The following PSME3IP1 variants were observed in gnomAD, a reference collection of about 807,000 sequenced individuals.
PSME3IP1 encodes the protein proteasome activator subunit 3 interacting protein 1.
In PSME3IP1, 13 loss-of-function variants were observed where a neutral mutation model predicts 34.1. The ratio of observed to expected loss-of-function variants is 0.38; its 90% CI spans 0.25 to 0.61. The LOEUF (loss-of-function observed/expected upper bound fraction) is 0.61. Among genes scored for constraint, PSME3IP1 ranks in the 20% least tolerant of loss-of-function variants. The probability of loss-of-function intolerance (pLI) is 0.60; values close to 1 mark genes in which losing one functional copy is unlikely to be tolerated. For missense variants in PSME3IP1, 237 were observed against 301.4 expected (o/e 0.79, Z 1.58); for synonymous variants, 93 against 114.3 (o/e 0.81, Z 1.19).
At chr16:57,173,890 C>A (rs556694317) in intron 1 of PSME3IP1, 21 bp from the exon 2 acceptor site, 62 of 1,587,804 alleles carry the variant, frequency 3.9e-5, no homozygotes, top group Admixed American at 3.1e-4. Flanking sequence ...AAAACAAAAA[C>A]AAAAAAAATC....
At chr16:57,178,024 A>G (rs1430974507) in intron 1 of PSME3IP1, among the ~76,000 whole-genome samples, 1 of 152,264 alleles carries the variant, frequency 6.6e-6, no homozygotes, top group Non-Finnish European at 1.5e-5. Context: ...TAAAACTAAT[A>G]TCATAATTCT....
chr16:57,160,081 G>A (rs1351865250), intron 6 of PSME3IP1, among the ~76,000 whole-genome samples: 2 of 152,068 alleles, frequency 1.3e-5, no homozygotes, highest in Non-Finnish European at 2.9e-5. Flanking sequence ...ATGAGGTCAG[G>A]AGATCGAGAC....
Position 57,182,557 on chromosome 16 carries a change from A to C in PSME3IP1, c.-16+3264T>G, listed in dbSNP as rs544515896. ...AGGAGATACCCATTTCCCTTAAAAA[A>C]AAAAAAAAAAAAAAAAAAACTTTGC... On this transcript the variant is annotated intron_variant, in intron 1 of 6. Coordinates refer to ENST00000309137, the MANE Select transcript of PSME3IP1 (RefSeq NM_024946.4). 6.3e-4 allele frequency among the ~76,000 whole-genome samples: 94 copies of C among 150,044 alleles called. 1 individual carries two copies. In the East Asian group the frequency reaches 0.015, roughly 24 times the overall value.
chr16:57,168,908 G>A (rs1210387333), intron 4 of PSME3IP1, among the ~76,000 whole-genome samples: 2 of 140,272 alleles, frequency 1.4e-5, no homozygotes, highest in Non-Finnish European at 3.0e-5. Flanking sequence ...ATCATTAGGA[G>A]ACAGAAGTTC....
chr16:57,172,445 A>C, intron 3 of PSME3IP1, 73 bp from the exon 4 acceptor site: 1 of 1,514,154 alleles, frequency 6.6e-7, no homozygotes, highest in Non-Finnish European at 9.0e-7. Context: ...TCCCCTTTTT[A>C]AATAAGCAGC....
Position 57,185,963 on chromosome 16 carries a change from A to G in PSME3IP1, c.-158T>C. The stretch of plus-strand genomic sequence containing the variant: ...AGAGGAAGGAATGAATGAAAGAAAG[A>G]AAAAAAAAAAGAAAATAGCCTTTGC... On this transcript the variant is annotated 5_prime_UTR_variant, in exon 1 of 7. Coordinates refer to ENST00000309137, the MANE Select transcript of PSME3IP1 (RefSeq NM_024946.4). The G allele has an allele frequency of 1.9e-5, 13 of 675,038 alleles. No individual in the cohort carries two copies. Among genetic ancestry groups the G allele is most frequent in the Non-Finnish European group, 2.4e-5 (13 of 550,778 alleles). The allele number at this position is 675,038 out of a possible 1,614,324, so 41.8% of individuals were successfully genotyped here.
rs534683934 is a variant in PSME3IP1, at chr16:57,171,329, A to C, written c.348+922T>G. 3.9e-5 allele frequency among the ~76,000 whole-genome samples: 6 copies of C among 152,236 alleles called. No homozygotes were observed. The South Asian group carries it at 1.0e-3, about 26-fold the overall frequency. On this transcript the variant is annotated intron_variant, in intron 4 of 6. Coordinates refer to ENST00000309137, the MANE Select transcript of PSME3IP1 (RefSeq NM_024946.4). ...GAAAGAGTGGCTTCAAGATGCAAGA[A>C]GGAGGCGGGTTGGCCTAAATAATGT...
chr16:57,174,508 TC>T (rs2072989983), intron 1 of PSME3IP1: 1 of 985,328 alleles, frequency 1.0e-6, no homozygotes, highest in African/African-American at 1.7e-5. Context: ...AAAATTGGCC[TC>T]CTGAGCATCC....
At chr16:57,159,515 C>T (rs545532857) in intron 6 of PSME3IP1, among the ~76,000 whole-genome samples, 4 of 152,242 alleles carry the variant, frequency 2.6e-5, no homozygotes, top group African/African-American at 7.2e-5. Flanking sequence ...TCAAAATCTT[C>T]GCTGGGGGAA....
chr16:57,157,036 A>G lies in PSME3IP1; in HGVS notation c.548-2529T>C, dbSNP rs144763402. Among the ~76,000 whole-genome samples the G allele has an allele frequency of 3.0e-3, 460 of 152,306 alleles. 2 individuals carry two copies. The highest frequency in any genetic ancestry group is 0.01 in the African/African-American group (427 of 41,564). ...GAAGAAGAATAAAGTAGCTGAGCAT[A>G]ATGGCTCATGCCTGTAATCCCAGCA... is the stretch of plus-strand genomic sequence containing the variant. On this transcript the variant is annotated intron_variant, in intron 6 of 6. Transcript: ENST00000309137.
At chr16:57,172,112 T>C (rs2072655066) in intron 4 of PSME3IP1, 139 bp downstream of exon 4, 1 of 869,308 alleles carries the variant, frequency 1.2e-6, no homozygotes, top group African/African-American at 1.7e-5. Flanking sequence ...TTTTCAGAAT[T>C]ACAGGAATAT....
At chr16:57,165,880 C>G (rs1164187953) in intron 5 of PSME3IP1, among the ~76,000 whole-genome samples, 1 of 152,158 alleles carries the variant, frequency 6.6e-6, no homozygotes, top group African/African-American at 2.4e-5. Context: ...ACCCATTCTG[C>G]GACCACCAAG....
chr16:57,178,244 T>A (rs1436145107), intron 1 of PSME3IP1, among the ~76,000 whole-genome samples: 3 of 152,222 alleles, frequency 2.0e-5, no homozygotes, highest in African/African-American at 4.8e-5. Context: ...TGCTTTCTTT[T>A]CACCCGATGC....
At chr16:57,170,875 C>G (rs1488080289) in intron 4 of PSME3IP1, among the ~76,000 whole-genome samples, 1 of 152,142 alleles carries the variant, frequency 6.6e-6, no homozygotes, top group African/African-American at 2.4e-5. Flanking sequence ...GAGTTCGAGA[C>G]CAGCCTGACC....
At chr16:57,159,823 T>C (rs1247800717) in intron 6 of PSME3IP1, among the ~76,000 whole-genome samples, 2 of 152,168 alleles carry the variant, frequency 1.3e-5, no homozygotes, top group African/African-American at 2.4e-5. Flanking sequence ...AAGTACCATA[T>C]AAAGAGCGAC....
intron 6 of PSME3IP1, among the ~76,000 whole-genome samples, chr16:57,161,981 C>T (rs531249244): frequency 1.2e-4 from 18 of 152,038 alleles, no homozygotes; most frequent in African/African-American, 4.1e-4. Context: ...CTCGGCTCAC[C>T]GCAACCTCTG....
chr16:57,171,061 G>C (rs2072520268), intron 4 of PSME3IP1, among the ~76,000 whole-genome samples: 1 of 143,246 alleles, frequency 7.0e-6, no homozygotes, highest in Non-Finnish European at 1.6e-5. Context: ...CAACAAGAGA[G>C]AAACTCCATC....
intron 1 of PSME3IP1, chr16:57,185,419 C>G: frequency 1.3e-6 from 1 of 742,230 alleles, no homozygotes; most frequent in Non-Finnish European, 1.6e-6. Context: ...GCTTCCCATC[C>G]TGCACTGCCA....
chr16:57,177,312 G>A (rs1161247894), intron 1 of PSME3IP1, among the ~76,000 whole-genome samples: 1 of 151,218 alleles, frequency 6.6e-6, no homozygotes, highest in African/African-American at 2.4e-5. Flanking sequence ...CTCCCGAATA[G>A]CTGGGACTAC....
Sources: allele counts gnomAD v4.1 joint callset (sites outside exome capture counted in the v4.1 genomes callset), GRCh38; gene constraint gnomAD v4.1.1; transcripts MANE v1.5; gene names NCBI Gene and HGNC (gene_info 2026-07-23, HGNC 2026-07-21).